The following NFAT5 variants were observed in gnomAD, a reference collection of about 807,000 sequenced individuals.
NFAT5 encodes the protein nuclear factor of activated T cells 5.
In NFAT5, 31 loss-of-function variants were observed where a neutral mutation model predicts 166.5. The ratio of observed to expected loss-of-function variants is 0.19; its 90% confidence interval spans 0.14 to 0.25. The LOEUF (loss-of-function observed/expected upper bound fraction) is 0.25. NFAT5 is among the 10% of genes least tolerant of loss of function. NFAT5 has a pLI of 1.00. For synonymous variants in NFAT5, 612 were observed against 639.7 expected, an observed-to-expected ratio of 0.96 and a Z score of 0.65; for missense variants, 1,449 against 1,821.8, an observed-to-expected ratio of 0.80 and a Z score of 3.72.
chr16:69,658,515 T>TA lies in NFAT5; in HGVS notation c.1197-1205dup, dbSNP rs2035988736. 2.1e-5 allele frequency among the ~76,000 whole-genome samples: 3 copies of TA among 144,172 alleles called. No individual in the cohort carries two copies. In the South Asian group the frequency reaches 6.6e-4, roughly 32 times the overall value. 94.6% of individuals were successfully genotyped at this position (144,172 alleles called of 152,430 possible). ...AAAAAAAAAAGTTGAAAACACAGGG[T>TA]AAAAAAAGCTAAAAACATGCCCTTT... is the stretch of plus-strand genomic sequence containing the variant. On this transcript the variant is annotated intron_variant, in intron 6 of 14. Coordinates refer to ENST00000349945, the MANE Select transcript of NFAT5 (RefSeq NM_138713.4).
chr16:69,635,023 G>GTTTTTTTTTTTTTTTTT, intron 3 of NFAT5, among the ~76,000 whole-genome samples: 2 of 105,268 alleles, frequency 1.9e-5, no homozygotes, highest in Non-Finnish European at 3.6e-5. Flanking sequence ...TGTTAGTAAA[G>GTTTTTTTTTTTTTTTTT]TTTTTTTTTT....
intron 6 of NFAT5, among the ~76,000 whole-genome samples, chr16:69,658,861 C>T (rs1160083074): frequency 2.0e-5 from 3 of 152,046 alleles, no homozygotes; most frequent in Non-Finnish European, 4.4e-5. Context: ...TAAAAAACAA[C>T]TTCCTGGAAA....
intron 4 of NFAT5, chr16:69,648,381 C>T (rs1319788496): frequency 2.0e-6 from 2 of 981,282 alleles, no homozygotes; most frequent in African/African-American, 1.8e-5. Context: ...GTTTGATTCT[C>T]ATCATTTAGA....
chr16:69,664,320 T>G (rs976814888), intron 7 of NFAT5, among the ~76,000 whole-genome samples: 1 of 152,210 alleles, frequency 6.6e-6, no homozygotes, highest in Non-Finnish European at 1.5e-5. Context: ...GGAGTCTCAC[T>G]CTGTCACCCA....
At chr16:69,621,938 G>C (rs1193379507) in intron 2 of NFAT5, among the ~76,000 whole-genome samples, 1 of 151,702 alleles carries the variant, frequency 6.6e-6, no homozygotes, top group Non-Finnish European at 1.5e-5. Flanking sequence ...ACTCCAACCT[G>C]GATGACACAG....
intron 10 of NFAT5, among the ~76,000 whole-genome samples, chr16:69,677,910 TG>T (rs1041929138): frequency 6.6e-6 from 1 of 152,012 alleles, no homozygotes; most frequent in African/African-American, 2.4e-5. Context: ...CTCAGCACTT[TG>T]GGAGGCCGAG....
intron 3 of NFAT5, among the ~76,000 whole-genome samples, chr16:69,646,155 A>G (rs1461388239): frequency 6.6e-6 from 1 of 152,196 alleles, no homozygotes. Context: ...GCTCTAACCA[A>G]TTGTCAAGCA....
intron 9 of NFAT5, 43 bp downstream of exon 9, chr16:69,670,331 G>C (rs764636208): frequency 8.1e-7 from 1 of 1,233,070 alleles, no homozygotes; most frequent in Non-Finnish European, 1.2e-6. Context: ...TTTACTCTCT[G>C]AGCAATTCAG....
At chr16:69,599,464 C>G (rs2033005785) in intron 2 of NFAT5, among the ~76,000 whole-genome samples, 1 of 152,188 alleles carries the variant, frequency 6.6e-6, no homozygotes, top group Non-Finnish European at 1.5e-5. Context: ...GTAATCCCAG[C>G]TGCTCGGGAG....
chr16:69,614,878 CTTTTTTTT>C (rs55841097), intron 2 of NFAT5, among the ~76,000 whole-genome samples: 3 of 130,990 alleles, frequency 2.3e-5, no homozygotes, highest in Non-Finnish European at 3.1e-5. Flanking sequence ...TTTCTTTTTC[CTTTTTTTT>C]TTTTTTTTGA....
intron 5 of NFAT5, among the ~76,000 whole-genome samples, chr16:69,654,795 G>A (rs2035813492): frequency 6.6e-6 from 1 of 152,160 alleles, no homozygotes; most frequent in African/African-American, 2.4e-5. Flanking sequence ...TTATAGAGAT[G>A]TAGCTGTACT....
chr16:69,633,253 T>G (rs1047680510), intron 3 of NFAT5, among the ~76,000 whole-genome samples: 1 of 152,154 alleles, frequency 6.6e-6, no homozygotes, highest in Non-Finnish European at 1.5e-5. Flanking sequence ...ATTACTTGAG[T>G]CAACAGAACA....
At chr16:69,636,061 A>G (rs548287153) in intron 3 of NFAT5, among the ~76,000 whole-genome samples, 1 of 152,210 alleles carries the variant, frequency 6.6e-6, no homozygotes, top group Non-Finnish European at 1.5e-5. Flanking sequence ...GAGTACAGGT[A>G]TTGGGTAAAT....
At position 69,703,277 on chromosome 16, in the gene NFAT5, C is replaced by T. The variant is rs962094814; in HGVS notation, c.*6926C>T. The T allele has an allele frequency of 6.6e-6, 1 of 152,536 alleles. No homozygotes were observed. The highest frequency in any genetic ancestry group is 2.4e-5 in the African/African-American group (1 of 41,422). The allele number at this position is 152,536 out of a possible 1,614,324, so 9.4% of individuals were successfully genotyped here. ...ATTTTTTTAATAGGTAAAACTTCTTCAAAAGTAGCTTGCTTTGTATAAGAA... is the reference window on the plus strand; with the variant it reads ...ATTTTTTTAATAGGTAAAACTTCTTTAAAAGTAGCTTGCTTTGTATAAGAA... On this transcript the variant is annotated 3_prime_UTR_variant, in exon 15 of 15. Coordinates refer to ENST00000349945, the MANE Select transcript of NFAT5 (RefSeq NM_138713.4).
At chr16:69,622,365 C>T (rs997859774) in intron 2 of NFAT5, among the ~76,000 whole-genome samples, 1 of 152,178 alleles carries the variant, frequency 6.6e-6, no homozygotes, top group Non-Finnish European at 1.5e-5. Flanking sequence ...TTCTGGCAGG[C>T]TGACTTCTTT....
chr16:69,582,094 G>A (rs1340344671), intron 2 of NFAT5, among the ~76,000 whole-genome samples: 2 of 151,960 alleles, frequency 1.3e-5, no homozygotes, highest in African/African-American at 2.4e-5. Flanking sequence ...GTGAAACCCC[G>A]TCTCTGCTAA....
intron 2 of NFAT5, among the ~76,000 whole-genome samples, chr16:69,597,457 A>G (rs1567528750): frequency 6.6e-6 from 1 of 152,198 alleles, no homozygotes; most frequent in Non-Finnish European, 1.5e-5. Context: ...TGCACTGTTC[A>G]TCATGGTGAA....
Position 69,704,628 on chromosome 16 carries a change from T to C in NFAT5, c.*8277T>C, listed in dbSNP as rs1203248402. The C allele has an allele frequency of 6.5e-6, 1 of 152,680 alleles. No individual in the cohort carries two copies. Among genetic ancestry groups the C allele is most frequent in the Non-Finnish European group, 1.5e-5 (1 of 68,046 alleles). 9.5% of individuals were successfully genotyped at this position (152,680 alleles called of 1,614,324 possible). The stretch of plus-strand genomic sequence containing the variant: ...ACTATATTTCTGTAAACAGCTGCAG[T>C]CAAAAATAAAACACTGAAAGTTTTC... On this transcript the variant is annotated 3_prime_UTR_variant, in exon 15 of 15. Transcript: ENST00000349945.
chr16:69,622,840 A>G (rs1011127221), intron 2 of NFAT5, among the ~76,000 whole-genome samples: 4 of 151,786 alleles, frequency 2.6e-5, no homozygotes, highest in South Asian at 4.2e-4. Flanking sequence ...GGGAAAAAAA[A>G]AAAAAAGAAA....
Sources: gnomAD v4.1 joint callset for allele counts (sites outside exome capture counted in the v4.1 genomes callset) on GRCh38, gnomAD v4.1.1 for gene constraint, MANE v1.5 for transcripts, NCBI Gene and HGNC (gene_info 2026-07-23, HGNC 2026-07-21) for gene names.